The following LANCL1 variants were observed in gnomAD, a reference collection of about 807,000 sequenced individuals.
LANCL1 encodes LanC like glutathione S-transferase 1, also known as glutathione S-transferase LANCL1.
In LANCL1, 50 loss-of-function variants were observed where a neutral mutation model predicts 50.6. The observed-to-expected ratio is 0.99, with a 90% CI of 0.79 to 1.25. LANCL1 has a LOEUF of 1.25. Ranked by LOEUF, LANCL1 falls within the 50% of genes most tolerant of loss-of-function variation. The pLI is 0.00. For synonymous variants in LANCL1, 188 were observed against 178.6 expected (o/e 1.05, Z -0.42); for missense variants, 532 against 480.7 (o/e 1.11, Z -1.00).
rs912666544 is a variant in LANCL1, at chr2:210,432,453, T to G, written c.*2034A>C. 6.6e-6 allele frequency: 1 copy of G among 152,178 alleles called. No individual in the cohort carries two copies. Among genetic ancestry groups the G allele is most frequent in the African/African-American group, 2.4e-5 (1 of 41,462 alleles). The allele number at this position is 152,178 out of a possible 1,614,324, so 9.4% of individuals were successfully genotyped here. A position where few individuals can be genotyped will look rare whatever the true frequency, so the allele number is the denominator to read the frequency against. Reference sequence around the variant, plus strand: ...AGGATGTAAATGACTCCCACAAGCTTAGCATTCCAATAATGGAACACTAGG... The same window carrying G: ...AGGATGTAAATGACTCCCACAAGCTGAGCATTCCAATAATGGAACACTAGG... On this transcript the variant is annotated 3_prime_UTR_variant, in exon 10 of 10. Transcript: ENST00000450366.
At chr2:210,440,258 T>A (rs942498867) in intron 6 of LANCL1, among the ~76,000 whole-genome samples, 2 of 152,228 alleles carry the variant, frequency 1.3e-5, no homozygotes. Flanking sequence ...GAATAATAGT[T>A]TTAATTCAAA....
intron 6 of LANCL1, among the ~76,000 whole-genome samples, chr2:210,439,686 C>A (rs1311022521): frequency 1.3e-5 from 2 of 152,160 alleles, no homozygotes; most frequent in Non-Finnish European, 2.9e-5. Flanking sequence ...TAATAATAAT[C>A]TTGAGTTTTT....
chr2:210,469,024 A>C (rs1280351141), intron 3 of LANCL1: 1 of 152,206 alleles, frequency 6.6e-6, no homozygotes, highest in Non-Finnish European at 1.5e-5. Flanking sequence ...TTAAAGTTCT[A>C]ACTAATTGTA....
intron 4 of LANCL1, among the ~76,000 whole-genome samples, chr2:210,451,982 T>C (rs1693525053): frequency 6.6e-6 from 1 of 151,936 alleles, no homozygotes; most frequent in African/African-American, 2.4e-5. Flanking sequence ...AATAAGCAAA[T>C]TCATAGAAAA....
At chr2:210,447,381 G>T (rs1693376066) in intron 4 of LANCL1, among the ~76,000 whole-genome samples, 1 of 152,116 alleles carries the variant, frequency 6.6e-6, no homozygotes, top group Non-Finnish European at 1.5e-5. Context: ...GGAACAACTG[G>T]TACCAGCTAC....
At chr2:210,460,513 G>C (rs1246308479) in intron 3 of LANCL1, 1 of 149,986 alleles carries the variant, frequency 6.7e-6, no homozygotes, top group African/African-American at 2.5e-5. Context: ...TTCTCTGACT[G>C]CAAGTATGAC....
rs770388767 is a variant in LANCL1, at chr2:210,437,732, A to G, written c.831T>C (p.His277=). 7.4e-6 allele frequency: 12 copies of G among 1,611,222 alleles called. No individual in the cohort carries two copies. In the African/African-American group the frequency reaches 1.6e-4, roughly 22 times the overall value. ...GCATGTAGATTACCCCAGGGGCGCCATGGCACCAATGGACAAGCAGATCTC... is the reference window on the plus strand; with the variant it reads ...GCATGTAGATTACCCCAGGGGCGCCGTGGCACCAATGGACAAGCAGATCTC... ...DNRDLLVHWC[H]GAPGVIYMLI... The change falls in exon 7 of 10, where the codon CAT becomes CAC. Residue 277 remains histidine (H), a synonymous_variant. Transcript: ENST00000450366.
Position 210,464,453 on chromosome 2 carries a change from C to T in LANCL1, c.199+7506G>A, listed in dbSNP as rs1011670514. 8.8e-5 allele frequency among the ~76,000 whole-genome samples: 10 copies of T among 113,092 alleles called. No individual in the cohort carries two copies. The East Asian group carries it at 4.2e-3, about 48-fold the overall frequency. The allele number at this position is 113,092 out of a possible 152,430, so 74.2% of individuals were successfully genotyped here. A position where few individuals can be genotyped will look rare whatever the true frequency, so the allele number is the denominator to read the frequency against. ...TGGGTCTGAACTGCATGGGTCTACT[C>T]GTACACAGATTTAAAAATATATATA... On this transcript the variant is annotated intron_variant, in intron 3 of 9. Coordinates refer to ENST00000450366, the MANE Select transcript of LANCL1 (RefSeq NM_006055.3).
In LANCL1 at chr2:210,461,447, G is replaced by A. The variant is rs1032865913; in HGVS notation, c.200-6133C>T. Among the ~76,000 whole-genome samples, 6 of 152,066 alleles carry A rather than the reference G, an allele frequency of 3.9e-5. 1 individual carries two copies. In the South Asian group the frequency reaches 1.2e-3, roughly 32 times the overall value. On this transcript the variant is annotated intron_variant, in intron 3 of 9. Coordinates refer to ENST00000450366, the MANE Select transcript of LANCL1 (RefSeq NM_006055.3). ...CAAAGAGAAGACACCTGGCCAGAGT[G>A]ACTCCTTTCAAGTAAGTCTGGTGTC...
At chr2:210,434,773 G>T (rs116570021) in intron 9 of LANCL1, among the ~76,000 whole-genome samples, 1,643 of 152,036 alleles carry the variant, frequency 0.011, 38 homozygotes, top group African/African-American at 0.038. Flanking sequence ...GTGTCCTCTT[G>T]GCCCTCCTCC....
intron 9 of LANCL1, among the ~76,000 whole-genome samples, chr2:210,434,944 C>A (rs1166719332): frequency 6.6e-6 from 1 of 152,102 alleles, no homozygotes; most frequent in Non-Finnish European, 1.5e-5. Context: ...TTTACATACA[C>A]TGCAGTTCAA....
chr2:210,476,659 C>A lies in LANCL1; in HGVS notation c.-56G>T, dbSNP rs1175713947. The A allele has an allele frequency of 3.1e-5, 38 of 1,238,584 alleles. No individual in the cohort carries two copies. The highest frequency in any genetic ancestry group is 3.7e-5 in the Non-Finnish European group (37 of 987,554). The allele number at this position is 1,238,584 out of a possible 1,614,324, so 76.7% of individuals were successfully genotyped here. A position where few individuals can be genotyped will look rare whatever the true frequency, so the allele number is the denominator to read the frequency against. On this transcript the variant is annotated 5_prime_UTR_variant, in exon 1 of 10. Coordinates refer to ENST00000450366, the MANE Select transcript of LANCL1 (RefSeq NM_006055.3). ...CCCGTTTTGCAACCCCGTTCCCACG[C>A]CCGCGACTTGAAGCAAGTGCGCCTC...
chr2:210,434,532 G>A lies in LANCL1; in HGVS notation c.1155C>T (p.Asp385=), dbSNP rs772940471. The change falls in exon 10 of 10, where the codon GAC becomes GAT. Residue 385 remains aspartate, a synonymous_variant. Transcript: ENST00000450366. Reference sequence around the variant, plus strand: ...ACCTGGCTTTTGTGGGGACTAGCAGGTCAGCCAGGAAATATATTGTTCCAG... The same window carrying A: ...ACCTGGCTTTTGTGGGGACTAGCAGATCAGCCAGGAAATATATTGTTCCAG... ...GMAGTIYFLA[D]LLVPTKARFP... is the part of the protein sequence containing the mutation. 8 of 1,613,394 alleles carry A rather than the reference G, an allele frequency of 5.0e-6. 1 individual carries two copies. The highest frequency in any genetic ancestry group is 4.4e-5 in the South Asian group (4 of 90,868).
chr2:210,453,206 G>A (rs1409926511), intron 4 of LANCL1, among the ~76,000 whole-genome samples: 1 of 152,094 alleles, frequency 6.6e-6, no homozygotes, highest in Non-Finnish European at 1.5e-5. Flanking sequence ...ATTTAAAAAG[G>A]TAAATGACAA....
Position 210,434,398 on chromosome 2 carries a change from G to T in LANCL1, c.*89C>A. The T allele has an allele frequency of 1.1e-6, 1 of 945,964 alleles. No individual in the cohort carries two copies. Among genetic ancestry groups the T allele is most frequent in the Non-Finnish European group, 1.6e-6 (1 of 622,182 alleles). The allele number at this position is 945,964 out of a possible 1,614,324, so 58.6% of individuals were successfully genotyped here. On this transcript the variant is annotated 3_prime_UTR_variant, in exon 10 of 10. Transcript: ENST00000450366. The stretch of plus-strand genomic sequence containing the variant: ...AATCAAGTCCACAGTTTGACTCTTT[G>T]TTTCCTTGGAAAGCAACGGAAGCAC...
intron 2 of LANCL1, 45 bp downstream of exon 2, chr2:210,476,271 C>A: frequency 6.9e-7 from 1 of 1,450,648 alleles, no homozygotes; most frequent in South Asian, 1.2e-5. Context: ...TTTCCGAACA[C>A]CGTGGGGAGA....
At chr2:210,459,308 G>C (rs992770448) in intron 3 of LANCL1, among the ~76,000 whole-genome samples, 1 of 151,874 alleles carries the variant, frequency 6.6e-6, no homozygotes, top group African/African-American at 2.4e-5. Context: ...ATGGACTAAA[G>C]ACTTAGACTT....
chr2:210,466,795 C>G (rs1301501844), intron 3 of LANCL1, among the ~76,000 whole-genome samples: 1 of 152,174 alleles, frequency 6.6e-6, no homozygotes, highest in Non-Finnish European at 1.5e-5. Flanking sequence ...AAGAATTACA[C>G]CACTGAGATG....
At chr2:210,442,029 C>G (rs554701491) in intron 4 of LANCL1, among the ~76,000 whole-genome samples, 1 of 151,882 alleles carries the variant, frequency 6.6e-6, no homozygotes, top group Non-Finnish European at 1.5e-5. Context: ...CTCAGCCTCG[C>G]GAGGGGATGG....
Sources: allele counts gnomAD v4.1 joint callset (sites outside exome capture counted in the v4.1 genomes callset), GRCh38; gene constraint gnomAD v4.1.1; transcripts MANE v1.5; gene names NCBI Gene and HGNC (gene_info 2026-07-23, HGNC 2026-07-21).